Variants in PNLDC1 observed in about 807,000 individuals in gnomAD.
The protein encoded by PNLDC1 is PARN like ribonuclease domain containing exonuclease 1.
Under a neutral mutation model 82.0 loss-of-function variants are expected in PNLDC1, and 70 were observed. The observed-to-expected ratio is 0.85, with a 90% CI of 0.70 to 1.04. PNLDC1 has a LOEUF of 1.04. Ranked by LOEUF, PNLDC1 falls within the 50% of genes least tolerant of loss-of-function variation. PNLDC1 has a pLI of 0.00. For synonymous variants in PNLDC1, 280 were observed against 249.3 expected (o/e 1.12, Z -1.16); for missense variants, 631 against 661.1 (o/e 0.95, Z 0.50).
chr6:159,817,051 G>T, intron 14 of PNLDC1, 58 bp from the exon 15 acceptor site: 1 of 1,486,452 alleles, frequency 6.7e-7, no homozygotes. Flanking sequence ...ATGAGATAAA[G>T]CATAAGCATG....
At chr6:159,801,341 A>G (rs1781246377) in intron 3 of PNLDC1, among the ~76,000 whole-genome samples, 155 bp downstream of exon 3, 1 of 152,226 alleles carries the variant, frequency 6.6e-6, no homozygotes, top group African/African-American at 2.4e-5. Flanking sequence ...TATGGAAATC[A>G]ACACTTCGGA....
intron 13 of PNLDC1, 22 bp from the exon 14 acceptor site, chr6:159,816,521 C>A: frequency 6.2e-7 from 1 of 1,611,318 alleles, no homozygotes; most frequent in Non-Finnish European, 8.5e-7. Flanking sequence ...ATTCTCTGTC[C>A]TCCTGGTGGA....
chr6:159,803,155 G>A, intron 3 of PNLDC1, 116 bp from the exon 4 acceptor site: 1 of 843,090 alleles, frequency 1.2e-6, no homozygotes, highest in Non-Finnish European at 2.0e-6. Flanking sequence ...TTATCCTGTT[G>A]TACAGCCCAC....
chr6:159,804,066 A>C lies in PNLDC1; in HGVS notation c.350A>C (p.Gln117Pro). ...GCTTCCAGTGTTCAGTTTTTGAATCAGTATGGCTTCAACTATAACAAGGTA... is the reference window on the plus strand; with the variant it reads ...GCTTCCAGTGTTCAGTTTTTGAATCCGTATGGCTTCAACTATAACAAGGTA... ...FQASSVQFLNQYGFNYNKFLK... is the reference protein window; with the variant it reads ...FQASSVQFLNPYGFNYNKFLK... Residue 117 changes from glutamine to proline, a missense_variant, in exon 5 of 19, where the codon CAG (glutamine) becomes CCG (proline). Transcript: ENST00000392167. 1 of 1,613,902 alleles carries C rather than the reference A, an allele frequency of 6.2e-7. No homozygotes were observed. The highest frequency in any genetic ancestry group is 1.7e-5 in the Admixed American group (1 of 59,948).
chr6:159,812,278 G>T (rs1225227666), intron 11 of PNLDC1, among the ~76,000 whole-genome samples: 1 of 152,016 alleles, frequency 6.6e-6, no homozygotes, highest in African/African-American at 2.4e-5. Context: ...TTGTATTTTG[G>T]CACCTGTGCA....
Position 159,800,485 on chromosome 6 carries a change from A to G in PNLDC1, c.76+102A>G, listed in dbSNP as rs1378125070. On this transcript the variant is annotated intron_variant, in intron 1 of 18. Coordinates refer to ENST00000392167, the MANE Select transcript of PNLDC1 (RefSeq NM_001271862.2). ...CGGTTGCCAGGCCACAGGGCCTCAG[A>G]GAGGGCCTCGGGAAGGACAGGGGGG... The G allele has an allele frequency of 8.7e-6, 12 of 1,386,944 alleles. No homozygotes were observed. In the Admixed American group the frequency reaches 1.2e-4, roughly 13 times the overall value. 85.9% of individuals were successfully genotyped at this position (1,386,944 alleles called of 1,614,324 possible).
intron 12 of PNLDC1, among the ~76,000 whole-genome samples, chr6:159,813,895 T>C (rs1358970193): frequency 6.6e-6 from 1 of 152,114 alleles, no homozygotes; most frequent in Admixed American, 6.5e-5. Context: ...CTCAAACAGT[T>C]GCGCGATTAC....
intron 10 of PNLDC1, among the ~76,000 whole-genome samples, chr6:159,811,093 C>T (rs2080800160): frequency 6.6e-6 from 1 of 152,108 alleles, no homozygotes; most frequent in African/African-American, 2.4e-5. Flanking sequence ...TGTCTAACAC[C>T]ACACCATGCA....
In PNLDC1 at chr6:159,805,967, A is replaced by C. The variant is rs115720240; in HGVS notation, c.462-16A>C. ...GTTTTTCTCTGACATGTTCACTTTC[A>C]TGCGCCCATTTTCAGCTCTCCGGAT... On this transcript the variant is annotated splice_polypyrimidine_tract_variant and intron_variant, in intron 6 of 18. Coordinates refer to ENST00000392167, the MANE Select transcript of PNLDC1 (RefSeq NM_001271862.2). 2,386 of 1,601,030 alleles carry C rather than the reference A, an allele frequency of 1.5e-3. 25 individuals carry two copies. In the African/African-American group the frequency reaches 0.024, roughly 16 times the overall value.
Position 159,800,352 on chromosome 6 carries a change from G to T in PNLDC1, c.45G>T (p.Leu15=), listed in dbSNP as rs1583161814. The T allele has an allele frequency of 6.5e-7, 1 of 1,548,098 alleles. No individual in the cohort carries two copies. Among genetic ancestry groups the T allele is most frequent in the South Asian group, 1.2e-5 (1 of 83,952 alleles). ...AGTTCGAGGAGAGCCTCCCTCTGCT[G>T]CAGGAGCTCGTCCAGGAGGCCGACT... The part of the protein sequence containing the change: ...ADEFEESLPL[L]QELVQEADFV... Residue 15 remains leucine, a synonymous_variant, in exon 1 of 19, where the codon CTG becomes CTT. Coordinates refer to ENST00000392167, the MANE Select transcript of PNLDC1 (RefSeq NM_001271862.2).
intron 3 of PNLDC1, 112 bp downstream of exon 3, chr6:159,801,298 G>A: frequency 2.9e-6 from 3 of 1,051,896 alleles, no homozygotes; most frequent in Non-Finnish European, 4.5e-6. Context: ...GTATCGTTTT[G>A]TATGCTTGTT....
chr6:159,802,386 T>C (rs562437494), intron 3 of PNLDC1, among the ~76,000 whole-genome samples: 1 of 152,104 alleles, frequency 6.6e-6, no homozygotes, highest in East Asian at 1.9e-4. Flanking sequence ...CTGAAGTAGC[T>C]GGGAGTGCTG....
At chr6:159,812,684 C>T (rs186133988) in intron 11 of PNLDC1, among the ~76,000 whole-genome samples, 35 of 152,230 alleles carry the variant, frequency 2.3e-4, no homozygotes, top group Admixed American at 1.6e-3. Context: ...GTGTACTATG[C>T]ATAGAGAAAA....
At chr6:159,820,161 A>G (rs1369598965) in intron 18 of PNLDC1, among the ~76,000 whole-genome samples, 3 of 152,174 alleles carry the variant, frequency 2.0e-5, no homozygotes, top group Non-Finnish European at 4.4e-5. Context: ...AGTTGCTGTC[A>G]GTTGAGCTGG....
In PNLDC1 at chr6:159,800,327, A is replaced by G; in HGVS notation, c.20A>G (p.Glu7Gly). Residue 7 changes from glutamate to glycine, a missense_variant, in exon 1 of 19, where the codon GAG (glutamate) becomes GGG (glycine). By Grantham distance (98) the Glu-to-Gly change is moderately conservative. Coordinates refer to ENST00000392167, the MANE Select transcript of PNLDC1 (RefSeq NM_001271862.2). MDVGAD[E>G]FEESLPLLQE... is the part of the protein sequence containing the mutation. ...ACGGCCATGGACGTGGGCGCCGACG[A>G]GTTCGAGGAGAGCCTCCCTCTGCTG... is the stretch of plus-strand genomic sequence containing the variant. 6.5e-7 allele frequency: 1 copy of G among 1,547,964 alleles called. No individual in the cohort carries two copies. Among genetic ancestry groups the G allele is most frequent in the Non-Finnish European group, 8.7e-7 (1 of 1,146,434 alleles).
chr6:159,817,077 T>C, intron 14 of PNLDC1, 32 bp from the exon 15 acceptor site: 1 of 1,595,104 alleles, frequency 6.3e-7, no homozygotes, highest in Non-Finnish European at 8.6e-7. Flanking sequence ...TTTGATAAGC[T>C]CTATTGCATT....
chr6:159,809,640 C>T (rs1781577928), intron 9 of PNLDC1, among the ~76,000 whole-genome samples: 1 of 152,106 alleles, frequency 6.6e-6, no homozygotes, highest in African/African-American at 2.4e-5. Flanking sequence ...CTTGCTTTCA[C>T]CAAATCATGA....
chr6:159,812,787 T>C (rs1314618361), intron 11 of PNLDC1, among the ~76,000 whole-genome samples: 1 of 152,148 alleles, frequency 6.6e-6, no homozygotes, highest in Non-Finnish European at 1.5e-5. Flanking sequence ...TTTGGGAGGC[T>C]GAGGTGGGTG....
At chr6:159,801,260 C>T (rs952288224) in intron 3 of PNLDC1, 74 bp downstream of exon 3, 1 of 1,359,250 alleles carries the variant, frequency 7.4e-7, no homozygotes, top group Non-Finnish European at 1.1e-6. Context: ...ACTGTAAAAA[C>T]AGCTCTGAGA....
Sources: allele counts gnomAD v4.1 joint callset (sites outside exome capture counted in the v4.1 genomes callset), GRCh38; gene constraint gnomAD v4.1.1; transcripts MANE v1.5; gene names NCBI Gene and HGNC (gene_info 2026-07-23, HGNC 2026-07-21).